Variants in GRID2 observed in about 807,000 individuals in gnomAD.
The protein encoded by GRID2 is glutamate ionotropic receptor delta type subunit 2, also known as glutamate receptor ionotropic, delta-2.
GRID2 carries 33 observed loss-of-function variants against 114.8 expected under a neutral mutation model. The observed-to-expected ratio is 0.29, with a 90% confidence interval of 0.22 to 0.38. The LOEUF is 0.38. Ranked by LOEUF, GRID2 falls within the 10% of genes least tolerant of loss-of-function variation. The probability of loss-of-function intolerance (pLI) is 1.00; values close to 1 mark genes in which losing one functional copy is unlikely to be tolerated. For synonymous variants in GRID2, 505 were observed against 449.9 expected (o/e 1.12, Z -1.55); for missense variants, 1,184 against 1,257.7 (o/e 0.94, Z 0.89).
At chr4:93,624,580 C>A (rs909104313) in intron 13 of GRID2, among the ~76,000 whole-genome samples, 1 of 151,938 alleles carries the variant, frequency 6.6e-6, no homozygotes, top group Admixed American at 6.6e-5. Context: ...ATTGAAAGAT[C>A]ATTTAAAAAT....
chr4:92,810,828 A>G (rs952101136), intron 2 of GRID2, among the ~76,000 whole-genome samples: 4 of 152,040 alleles, frequency 2.6e-5, no homozygotes, highest in Non-Finnish European at 2.9e-5. Flanking sequence ...GTCTCACTCT[A>G]TTGCCCAGAC....
At chr4:92,754,368 G>T (rs1737607059) in intron 2 of GRID2, among the ~76,000 whole-genome samples, 1 of 152,168 alleles carries the variant, frequency 6.6e-6, no homozygotes. Flanking sequence ...GAAACAGCAT[G>T]ATGGTAGTAG....
intron 2 of GRID2, among the ~76,000 whole-genome samples, chr4:92,641,941 A>G (rs1182500152): frequency 6.7e-6 from 1 of 150,234 alleles, no homozygotes; most frequent in African/African-American, 2.4e-5. Context: ...AGCTCCATCT[A>G]GTTTGCCACA....
intron 13 of GRID2, among the ~76,000 whole-genome samples, chr4:93,593,725 C>A (rs544267291): frequency 2.6e-5 from 4 of 152,150 alleles, no homozygotes; most frequent in African/African-American, 4.8e-5. Flanking sequence ...TTCACATAGT[C>A]CCATATTTCC....
chr4:92,797,560 A>G (rs963487412), intron 2 of GRID2, among the ~76,000 whole-genome samples: 32 of 152,040 alleles, frequency 2.1e-4, no homozygotes, highest in Non-Finnish European at 4.1e-4. Context: ...TAACTCTTTC[A>G]ATAGATTTGC....
In GRID2 at chr4:92,485,301, CATATATATATATATAT is replaced by C. The variant is rs34583484; in HGVS notation, c.89-104798_89-104783del. Among the ~76,000 whole-genome samples the C allele has an allele frequency of 2.4e-3, 138 of 56,558 alleles. 2 individuals are homozygous for C. The highest frequency in any genetic ancestry group is 5.9e-3 in the Admixed American group (31 of 5,270). 37.1% of individuals were successfully genotyped at this position (56,558 alleles called of 152,430 possible). A position where few individuals can be genotyped will look rare whatever the true frequency, so the allele number is the denominator to read the frequency against. ...TTATATATAATAAATAAGGTGTGTG[CATATATATATATATAT>C]ATATATATATATATATATATATATA... is the stretch of plus-strand genomic sequence containing the variant. On this transcript the variant is annotated intron_variant, in intron 1 of 15. Coordinates refer to ENST00000282020, the MANE Select transcript of GRID2 (RefSeq NM_001510.4).
intron 13 of GRID2, among the ~76,000 whole-genome samples, chr4:93,595,893 A>G (rs931335450): frequency 6.6e-6 from 1 of 152,210 alleles, no homozygotes; most frequent in Non-Finnish European, 1.5e-5. Flanking sequence ...ATCGCCTATT[A>G]TGTGGCAGGC....
At chr4:93,690,180 T>C (rs969655842) in intron 14 of GRID2, among the ~76,000 whole-genome samples, 5 of 152,016 alleles carry the variant, frequency 3.3e-5, no homozygotes, top group Admixed American at 3.3e-4. Context: ...ATAAAAATAA[T>C]TGATCTCATC....
At chr4:93,272,055 G>A (rs1407490011) in intron 8 of GRID2, among the ~76,000 whole-genome samples, 1 of 152,134 alleles carries the variant, frequency 6.6e-6, no homozygotes, top group Admixed American at 6.6e-5. Context: ...GAATCCAGAT[G>A]ACTATCTATA....
At chr4:92,922,129 T>C (rs920804789) in intron 2 of GRID2, among the ~76,000 whole-genome samples, 6 of 152,048 alleles carry the variant, frequency 3.9e-5, no homozygotes, top group African/African-American at 1.4e-4. Flanking sequence ...GCTCCGTGGG[T>C]GTAGGACCCT....
intron 2 of GRID2, among the ~76,000 whole-genome samples, chr4:92,927,510 A>G (rs985898898): frequency 1.3e-5 from 2 of 151,820 alleles, no homozygotes; most frequent in Non-Finnish European, 2.9e-5. Flanking sequence ...TTGCAATAAC[A>G]AAAAAAGAGA....
chr4:92,309,530 T>A (rs1725589513), intron 1 of GRID2, among the ~76,000 whole-genome samples: 4 of 151,838 alleles, frequency 2.6e-5, no homozygotes, highest in Admixed American at 2.0e-4. Context: ...TTTTTTTTTT[T>A]AGTACTACTT....
chr4:92,717,746 A>T (rs1262992883), intron 2 of GRID2, among the ~76,000 whole-genome samples: 1 of 152,202 alleles, frequency 6.6e-6, no homozygotes, highest in Non-Finnish European at 1.5e-5. Flanking sequence ...ACAAGAAAAT[A>T]GTGTTTTATT....
intron 8 of GRID2, among the ~76,000 whole-genome samples, chr4:93,319,361 CTTG>C (rs1756996509): frequency 6.6e-6 from 1 of 152,016 alleles, no homozygotes; most frequent in Non-Finnish European, 1.5e-5. Flanking sequence ...GCTACTGTCC[CTTG>C]TCAATTTCTT....
At chr4:93,283,916 C>T (rs1338421508) in intron 8 of GRID2, among the ~76,000 whole-genome samples, 1 of 152,032 alleles carries the variant, frequency 6.6e-6, no homozygotes, top group Non-Finnish European at 1.5e-5. Context: ...GAGGACCTAG[C>T]TCAATCTCTA....
At chr4:92,607,065 C>A (rs1368880145) in intron 2 of GRID2, among the ~76,000 whole-genome samples, 1 of 151,982 alleles carries the variant, frequency 6.6e-6, no homozygotes, top group African/African-American at 2.4e-5. Context: ...TGCCAATACA[C>A]AGCATAGTTG....
intron 8 of GRID2, among the ~76,000 whole-genome samples, chr4:93,334,225 C>T (rs936539173): frequency 6.6e-6 from 1 of 152,128 alleles, no homozygotes; most frequent in Admixed American, 6.6e-5. Context: ...AGAATGGTTT[C>T]AGTCTAGTTC....
intron 2 of GRID2, among the ~76,000 whole-genome samples, chr4:93,002,901 A>G (rs1032086358): frequency 6.6e-6 from 1 of 151,852 alleles, no homozygotes; most frequent in African/African-American, 2.4e-5. Context: ...TCTAGAGGTC[A>G]CCTGCCTTCC....
intron 2 of GRID2, among the ~76,000 whole-genome samples, chr4:93,038,334 A>G (rs540139163): frequency 6.6e-6 from 1 of 152,318 alleles, no homozygotes; most frequent in South Asian, 2.1e-4. Flanking sequence ...CAACCCCATC[A>G]AAAAGTGGGC....
Sources: allele counts gnomAD v4.1 joint callset (sites outside exome capture counted in the v4.1 genomes callset), GRCh38; gene constraint gnomAD v4.1.1; transcripts MANE v1.5; gene names NCBI Gene and HGNC (gene_info 2026-07-23, HGNC 2026-07-21).